Variants in LRP5 observed in about 807,000 individuals in gnomAD.
LRP5 encodes low-density lipoprotein receptor-related protein 5.
A neutral mutation model predicts 154.1 loss-of-function variants in LRP5; 62 were observed. That is an observed-to-expected ratio of 0.40 (90% confidence interval 0.33 to 0.50). The LOEUF is 0.50. Ranked by LOEUF, LRP5 falls within the 20% of genes least tolerant of loss-of-function variation. The pLI is 0.55. For missense variants in LRP5, 1,915 were observed against 2,336.7 expected (o/e 0.82, Z 3.72); for synonymous variants, 966 against 1,011.5 (o/e 0.96, Z 0.85).
At chr11:68,313,565 G>A (rs1416512807) in intron 1 of LRP5, among the ~76,000 whole-genome samples, 1 of 152,210 alleles carries the variant, frequency 6.6e-6, no homozygotes, top group Non-Finnish European at 1.5e-5. Context: ...CCCAGGGGGT[G>A]GAGTTGAGGT....
chr11:68,336,973 C>CT (rs2098606057), intron 1 of LRP5, among the ~76,000 whole-genome samples: 1 of 152,246 alleles, frequency 6.6e-6, no homozygotes, highest in Non-Finnish European at 1.5e-5. Flanking sequence ...TCATAGATCT[C>CT]TGTCTGTCCT....
intron 13 of LRP5, among the ~76,000 whole-genome samples, chr11:68,418,146 G>A (rs987448330): frequency 1.3e-5 from 2 of 151,744 alleles, no homozygotes; most frequent in East Asian, 2.0e-4. Context: ...TGCAGAGCCC[G>A]CTTGTATCCT....
At chr11:68,352,549 G>A (rs1591211906) in intron 2 of LRP5, among the ~76,000 whole-genome samples, 3 of 152,238 alleles carry the variant, frequency 2.0e-5, no homozygotes, top group Middle Eastern at 3.4e-3. Flanking sequence ...GTGATCAGTC[G>A]GGAGGTGCTA....
At chr11:68,342,691 G>A (rs1039447224) in intron 1 of LRP5, among the ~76,000 whole-genome samples, 1 of 152,216 alleles carries the variant, frequency 6.6e-6, no homozygotes, top group African/African-American at 2.4e-5. Flanking sequence ...CCCTGGCTGT[G>A]CCCACAGATG....
chr11:68,374,110 C>CA (rs905696783), intron 5 of LRP5, among the ~76,000 whole-genome samples: 1 of 152,148 alleles, frequency 6.6e-6, no homozygotes, highest in African/African-American at 2.4e-5. Flanking sequence ...GGACAGGAAA[C>CA]AAAAAGAAGT....
chr11:68,299,886 TTTTG>T, the LRP5 span, among the ~76,000 whole-genome samples: 2 of 147,856 alleles, frequency 1.4e-5, 1 homozygote, highest in Non-Finnish European at 3.0e-5. Context: ...CTCCGCCTTT[TTTTG>T]TTTATTTGTT....
the LRP5 span, among the ~76,000 whole-genome samples, chr11:68,305,654 G>T: frequency 7.9e-5 from 12 of 152,040 alleles, no homozygotes; most frequent in African/African-American, 2.7e-4. Context: ...TGTTGTCCAG[G>T]CTGGTCTTGA....
At chr11:68,365,802 C>G in intron 5 of LRP5, 100 bp downstream of exon 5, 2 of 1,223,082 alleles carry the variant, frequency 1.6e-6, no homozygotes, top group Non-Finnish European at 2.3e-6. Context: ...TCGGCAAACC[C>G]GTTCGAAATG....
intron 8 of LRP5, among the ~76,000 whole-genome samples, chr11:68,405,419 G>A (rs937701711): frequency 1.4e-5 from 2 of 145,930 alleles, no homozygotes; most frequent in African/African-American, 5.1e-5. Context: ...GAAGTGAGCT[G>A]AGATCATGCC....
In LRP5 at chr11:68,447,466, C is replaced by A. The variant is rs1457986413; in HGVS notation, c.4586+933C>A. Reference sequence around the variant, plus strand: ...AACTGCAGCCTCCATTTCCACCCCACTCCGGGTCGGGCCACCTCCCTGATG... The same window carrying A: ...AACTGCAGCCTCCATTTCCACCCCAATCCGGGTCGGGCCACCTCCCTGATG... On this transcript the variant is annotated intron_variant, in intron 22 of 22. Transcript: ENST00000294304. This position sits in a 1 kb window ranked among gnomAD's most constrained non-coding sequence, Gnocchi z 4.3. Among the ~76,000 whole-genome samples, 1 of 152,118 alleles carries A rather than the reference C, an allele frequency of 6.6e-6. No individual in the cohort carries two copies. The highest frequency in any genetic ancestry group is 1.5e-5 in the Non-Finnish European group (1 of 68,016).
chr11:68,357,224 T>C (rs2153135770), intron 2 of LRP5, among the ~76,000 whole-genome samples: 1 of 152,304 alleles, frequency 6.6e-6, no homozygotes, highest in East Asian at 1.9e-4. Context: ...TGTGAGCCAC[T>C]GGGCCCAGCC....
At chr11:68,317,982 A>G (rs952536910) in intron 1 of LRP5, among the ~76,000 whole-genome samples, 2 of 151,326 alleles carry the variant, frequency 1.3e-5, no homozygotes, top group Non-Finnish European at 2.9e-5. Flanking sequence ...TATTTGCTCT[A>G]TTGGAGTGTA....
Position 68,360,461 on chromosome 11 carries a change from G to A in LRP5, c.686+2614G>A, listed in dbSNP as rs182264978. Reference sequence around the variant, plus strand: ...CAGCCTCTCTCCCACCTGCTTCCCCGCGGGATTCTTCTGCCTCTGCAGCGG... The same window carrying A: ...CAGCCTCTCTCCCACCTGCTTCCCCACGGGATTCTTCTGCCTCTGCAGCGG... On this transcript the variant is annotated intron_variant, in intron 3 of 22. Transcript: ENST00000294304. 4.6e-5 allele frequency among the ~76,000 whole-genome samples: 7 copies of A among 152,314 alleles called. No homozygotes were observed. In the South Asian group the frequency reaches 6.2e-4, roughly 14 times the overall value.
intron 19 of LRP5, 62 bp from the exon 20 acceptor site, chr11:68,438,384 C>T (rs1464576475): frequency 6.4e-5 from 95 of 1,481,598 alleles, no homozygotes; most frequent in Non-Finnish European, 8.9e-5. Flanking sequence ...GTGTCTGCCC[C>T]CAAGGAGGGC....
intron 21 of LRP5, among the ~76,000 whole-genome samples, chr11:68,440,684 G>A (rs867095866): frequency 1.3e-5 from 2 of 152,186 alleles, no homozygotes; most frequent in Non-Finnish European, 2.9e-5. Flanking sequence ...CTGGGGCCTC[G>A]CCAGTGAGCC....
At chr11:68,383,284 T>A (rs2098641262) in intron 5 of LRP5, among the ~76,000 whole-genome samples, 1 of 152,156 alleles carries the variant, frequency 6.6e-6, no homozygotes, top group Non-Finnish European at 1.5e-5. Flanking sequence ...GCGTTCTCTG[T>A]GGGGCCATGA....
Position 68,413,757 on chromosome 11 carries a change from A to G in LRP5, c.2572A>G (p.Ile858Val), listed in dbSNP as rs2098660897. ...CGGTCTGACGCAGTACAGCGATTATATCTACTGGACAGACTGGAATCTGCA... is the reference window on the plus strand; with the variant it reads ...CGGTCTGACGCAGTACAGCGATTATGTCTACTGGACAGACTGGAATCTGCA... ...PFGLTQYSDY[I>V]YWTDWNLHSI... Residue 858 changes from isoleucine (I) to valine (V), a missense_variant, in exon 12 of 23, where the codon ATC becomes GTC. Transcript: ENST00000294304. The surrounding 1 kb of genome is among the most constrained non-coding windows in gnomAD (Gnocchi z 5.1). The G allele has an allele frequency of 6.2e-7, 1 of 1,613,670 alleles. No individual in the cohort carries two copies. The highest frequency in any genetic ancestry group is 1.3e-5 in the African/African-American group (1 of 74,932).
the LRP5 span, among the ~76,000 whole-genome samples, chr11:68,304,195 C>T: frequency 3.3e-5 from 5 of 152,226 alleles, no homozygotes; most frequent in African/African-American, 7.2e-5. Context: ...TGCTGCTCTG[C>T]ACAGCCTCAG....
Position 68,412,819 on chromosome 11 carries a change from T to C in LRP5, c.2504-870T>C, listed in dbSNP as rs568171059. 179 of 154,624 alleles carry C rather than the reference T, an allele frequency of 1.2e-3. No homozygotes were observed. In the Middle Eastern group the frequency reaches 0.013, roughly 11 times the overall value. 9.6% of individuals were successfully genotyped at this position (154,624 alleles called of 1,614,324 possible). A position where few individuals can be genotyped will look rare whatever the true frequency, so the allele number is the denominator to read the frequency against. Reference sequence around the variant, plus strand: ...GGAGAGCCTCTGAGCACGTCAGCCATGTCGAACCGCTCAGGAAGGGCAGCA... The same window carrying C: ...GGAGAGCCTCTGAGCACGTCAGCCACGTCGAACCGCTCAGGAAGGGCAGCA... On this transcript the variant is annotated intron_variant, in intron 11 of 22. Coordinates refer to ENST00000294304, the MANE Select transcript of LRP5 (RefSeq NM_002335.4).
Sources: gnomAD v4.1 joint callset for allele counts (sites outside exome capture counted in the v4.1 genomes callset) on GRCh38, gnomAD v4.1.1 for gene constraint, Gnocchi (gnomAD v3.1) non-coding constraint, MANE v1.5 for transcripts, NCBI Gene and HGNC (gene_info 2026-07-23, HGNC 2026-07-21) for gene names.